Variants in VCP observed in about 807,000 individuals in gnomAD.
VCP encodes valosin containing protein, also known as transitional endoplasmic reticulum ATPase.
A neutral mutation model predicts 85.7 loss-of-function variants in VCP; 6 were observed. The ratio of observed to expected loss-of-function variants is 0.07; its 90% CI spans 0.04 to 0.14. VCP has a LOEUF of 0.14. Ranked by LOEUF, VCP falls within the 10% of genes least tolerant of loss-of-function variation. VCP has a pLI of 1.00. For missense variants in VCP, 353 were observed against 1,043.4 expected (o/e 0.34, Z 9.12); for synonymous variants, 384 against 367.1 (o/e 1.05, Z -0.53).
At chr9:35,063,788 TTACTTC>T (rs1828773795) in intron 6 of VCP, among the ~76,000 whole-genome samples, 1 of 152,244 alleles carries the variant, frequency 6.6e-6, no homozygotes, top group Non-Finnish European at 1.5e-5. Flanking sequence ...CTTAACTTCC[TTACTTC>T]TACTGGGTGA....
rs776808332 is a variant in VCP at position 35,059,728 on chromosome 9, A to G, written c.1769T>C (p.Ile590Thr). ...GTCAGCAGCCCCACCACCATCTCCAATGTTACCTCCACGAGCCTTGGCAAT... is the reference window on the plus strand; with the variant it reads ...GTCAGCAGCCCCACCACCATCTCCAGTGTTACCTCCACGAGCCTTGGCAAT... ...DSIAKARGGN[I>T]GDGGGAADRV... is the part of the protein sequence containing the mutation. The change falls in exon 14 of 17, where the codon ATT becomes ACT. Residue 590 changes from isoleucine to threonine, a missense_variant. Transcript: ENST00000358901. The surrounding 1 kb of genome is among the most constrained non-coding windows in gnomAD (Gnocchi z 4.9). 1.2e-6 allele frequency: 2 copies of G among 1,614,044 alleles called. No individual in the cohort carries two copies. Among genetic ancestry groups the G allele is most frequent in the South Asian group, 1.1e-5 (1 of 91,070 alleles).
chr9:35,062,388 A>G (rs760084336), intron 7 of VCP, 38 bp from the exon 8 acceptor site: 36 of 1,613,626 alleles, frequency 2.2e-5, no homozygotes, highest in Non-Finnish European at 3.1e-5. Flanking sequence ...ACAAAATGAT[A>G]GTCTTTCCCA....
Position 35,059,586 on chromosome 9 carries a change from G to A in VCP, c.1911C>T (p.Gly637=). 6.2e-7 allele frequency: 1 copy of A among 1,614,178 alleles called. No individual in the cohort carries two copies. The highest frequency in any genetic ancestry group is 1.1e-5 in the South Asian group (1 of 91,092). ...GGATGTAGATGAGCTGATCAAGACG[G>A]CCAGGTCTGAGGATGGCAGGATCAA... ...DIIDPAILRP[G]RLDQLIYIPL... The change falls in exon 14 of 17, where the codon GGC becomes GGT. Residue 637 remains glycine, a synonymous_variant. Coordinates refer to ENST00000358901, the MANE Select transcript of VCP (RefSeq NM_007126.5). This position sits in a 1 kb window ranked among gnomAD's most constrained non-coding sequence, Gnocchi z 4.9.
intron 1 of VCP, among the ~76,000 whole-genome samples, chr9:35,071,304 T>G (rs1167060322): frequency 5.1e-5 from 7 of 136,476 alleles, no homozygotes; most frequent in Non-Finnish European, 1.1e-4. Context: ...TTTTTTTTTT[T>G]TTTTTTTTTT....
chr9:35,069,289 G>A (rs911390436), intron 1 of VCP, among the ~76,000 whole-genome samples: 2 of 152,078 alleles, frequency 1.3e-5, no homozygotes, highest in African/African-American at 4.8e-5. Context: ...GAGACATGGG[G>A]CAAATCCAAA....
At chr9:35,072,010 G>A in intron 1 of VCP, 1 of 1,135,446 alleles carries the variant, frequency 8.8e-7, no homozygotes, top group South Asian at 2.9e-5. Context: ...CCGCGCCGGC[G>A]GAGTGGGCCG....
At chr9:35,065,135 T>TG in intron 5 of VCP, 116 bp downstream of exon 5, 1 of 1,489,894 alleles carries the variant, frequency 6.7e-7, no homozygotes, top group Admixed American at 1.7e-5. Context: ...CCCAAAGTAC[T>TG]GGGATTACAG....
chr9:35,057,318 T>C (rs544744366), intron 16 of VCP, 58 bp downstream of exon 16: 53 of 1,613,512 alleles, frequency 3.3e-5, no homozygotes, highest in Non-Finnish European at 4.5e-5. Context: ...CTCCCATCCC[T>C]TTTGGTGTAG....
chr9:35,057,749 G>A, intron 15 of VCP: 1 of 627,870 alleles, frequency 1.6e-6, no homozygotes, highest in Non-Finnish European at 2.8e-6. Flanking sequence ...AATCACATCA[G>A]TGATGGGGCT....
At chr9:35,070,470 G>T (rs897960644) in intron 1 of VCP, among the ~76,000 whole-genome samples, 6 of 152,154 alleles carry the variant, frequency 3.9e-5, no homozygotes, top group Admixed American at 3.9e-4. Flanking sequence ...GTCTCCCTCT[G>T]TTGCCCAGGC....
chr9:35,060,858 G>A lies in VCP; in HGVS notation c.1425C>T (p.Thr475=), dbSNP rs1410914702. 6.2e-7 allele frequency: 1 copy of A among 1,614,162 alleles called. No individual in the cohort carries two copies. The highest frequency in any genetic ancestry group is 8.5e-7 in the Non-Finnish European group (1 of 1,180,032). The change falls in exon 12 of 17, where the codon ACC becomes ACT. Residue 475 remains threonine, a synonymous_variant. Transcript: ENST00000358901. ...CCTCTAGGCCCCCGATGTCTTCCCA[G>A]GTTACCTGTGGCACCTCTACCACGG... is the stretch of plus-strand genomic sequence containing the variant. The part of the protein sequence containing the change: ...RETVVEVPQV[T]WEDIGGLEDV...
chr9:35,059,659 G>A lies in VCP; in HGVS notation c.1838C>T (p.Thr613Ile), dbSNP rs775606754. ...QILTEMDGMS[T>I]KKNVFIIGAT... ...GCCAATGATGAACACATTTTTTTTTGTGGACATGCCATCCATTTCTGTCAG... is the reference window on the plus strand; with the variant it reads ...GCCAATGATGAACACATTTTTTTTTATGGACATGCCATCCATTTCTGTCAG... Residue 613 changes from threonine to isoleucine, a missense_variant, in exon 14 of 17, where the codon ACA becomes ATA. Physicochemically the swap from Thr to Ile is moderately conservative, Grantham distance 89. This residue lies in a region of VCP where 30 missense variants were observed against 192.3 expected (regional missense o/e 0.16). Coordinates refer to ENST00000358901, the MANE Select transcript of VCP (RefSeq NM_007126.5). This position sits in a 1 kb window ranked among gnomAD's most constrained non-coding sequence, Gnocchi z 4.9. 1.9e-6 allele frequency: 3 copies of A among 1,613,594 alleles called. No homozygotes were observed. In the African/African-American group the frequency reaches 4.0e-5, roughly 22 times the overall value.
At chr9:35,067,810 G>A (rs1252789780) in intron 3 of VCP, 81 bp downstream of exon 3, 3 of 1,580,840 alleles carry the variant, frequency 1.9e-6, no homozygotes, top group South Asian at 1.1e-5. Flanking sequence ...ACTTGGTCCT[G>A]CCTGTAATAC....
chr9:35,072,093 A>ACGATCCGGCCCAGGCTC, intron 1 of VCP: 1 of 1,329,458 alleles, frequency 7.5e-7, no homozygotes, highest in South Asian at 1.7e-5. Context: ...ATGACACAGC[A>ACGATCCGGCCCAGGCTC]CGATCCGGCC....
chr9:35,057,365 A>G lies in VCP; in HGVS notation c.2315+11T>C, dbSNP rs1163896289. ...AACTTAAGCACTGTCTAATGCTCCCAACCAACTTACCTGAAGCTGCCAAAG... is the reference window on the plus strand; with the variant it reads ...AACTTAAGCACTGTCTAATGCTCCCGACCAACTTACCTGAAGCTGCCAAAG... On this transcript the variant is annotated intron_variant, in intron 16 of 16. Transcript: ENST00000358901. 3.7e-6 allele frequency: 6 copies of G among 1,614,122 alleles called. No individual in the cohort carries two copies.
In VCP at chr9:35,059,920, G is replaced by A; in HGVS notation, c.1696-119C>T. ...GGCCAAGGTGGGAGGATCACTTGAG[G>A]CCAGAAATCCGAAACCAGCATGGGC... On this transcript the variant is annotated intron_variant, in intron 13 of 16. Coordinates refer to ENST00000358901, the MANE Select transcript of VCP (RefSeq NM_007126.5). The surrounding 1 kb of genome is among the most constrained non-coding windows in gnomAD (Gnocchi z 4.9). 7.5e-7 allele frequency: 1 copy of A among 1,336,804 alleles called. No individual in the cohort carries two copies. Among genetic ancestry groups the A allele is most frequent in the South Asian group, 1.2e-5 (1 of 81,416 alleles). The allele number at this position is 1,336,804 out of a possible 1,614,324, so 82.8% of individuals were successfully genotyped here.
chr9:35,060,664 T>C (rs2131030724), intron 12 of VCP, 137 bp downstream of exon 12: 9 of 1,546,418 alleles, frequency 5.8e-6, no homozygotes, highest in Non-Finnish European at 7.1e-6. Flanking sequence ...GACTCCTTAG[T>C]GCCTCAAACC....
chr9:35,067,807 C>T (rs1828862163), intron 3 of VCP, 84 bp downstream of exon 3: 2 of 1,572,242 alleles, frequency 1.3e-6, no homozygotes, highest in Non-Finnish European at 8.7e-7. Context: ...AGAACTTGGT[C>T]CTGCCTGTAA....
chr9:35,063,065 G>A lies in VCP; in HGVS notation c.724C>T (p.Leu242=). ...AIGVKPPRGI[L]LYGPPGTGKT... ...CCTGTTCCAGGAGGTCCGTAAAGCA[G>A]GATTCCTCTAGGAGGCTGTGGACCA... Residue 242 remains leucine, a synonymous_variant, in exon 7 of 17, where the codon CTG becomes TTG. Transcript: ENST00000358901. 1 of 1,614,070 alleles carries A rather than the reference G, an allele frequency of 6.2e-7. No individual in the cohort carries two copies. The highest frequency in any genetic ancestry group is 8.5e-7 in the Non-Finnish European group (1 of 1,180,010).
Sources: allele counts gnomAD v4.1 joint callset (sites outside exome capture counted in the v4.1 genomes callset), GRCh38; gene constraint gnomAD v4.1.1; regional missense constraint gnomAD v4.1.1; non-coding constraint Gnocchi (gnomAD v3.1); transcripts MANE v1.5; gene names NCBI Gene and HGNC (gene_info 2026-07-23, HGNC 2026-07-21).